FAM76B: variants seen among roughly 807,000 people sequenced by gnomAD.
FAM76B encodes family with sequence similarity 76 member B.
A neutral mutation model predicts 51.8 loss-of-function variants in FAM76B; 16 were observed. The observed-to-expected ratio is 0.31, with a 90% confidence interval of 0.21 to 0.47. The LOEUF (loss-of-function observed/expected upper bound fraction) is 0.47. FAM76B is among the 20% of genes least tolerant of loss of function. The pLI, the probability that FAM76B is intolerant of heterozygous loss-of-function variation, is 1.00. For missense variants in FAM76B, 342 were observed against 392.6 expected, an observed-to-expected ratio of 0.87 and a Z score of 1.09; for synonymous variants, 166 against 129.5, an observed-to-expected ratio of 1.28 and a Z score of -1.91.
intron 3 of FAM76B, 61 bp downstream of exon 3, chr11:95,787,563 G>A (rs1860670430): frequency 2.0e-6 from 3 of 1,520,784 alleles, no homozygotes; most frequent in South Asian, 1.2e-5. Flanking sequence ...TTTTTAAAAG[G>A]TCCAGCTTTA....
At chr11:95,787,813 A>G in intron 2 of FAM76B, 135 bp from the exon 3 acceptor site, 3 of 692,946 alleles carry the variant, frequency 4.3e-6, no homozygotes, top group Non-Finnish European at 7.2e-6. Flanking sequence ...TCAAATATAC[A>G]AGGATATTTT....
intron 5 of FAM76B, among the ~76,000 whole-genome samples, chr11:95,780,889 T>C (rs1362574384): frequency 6.6e-6 from 1 of 152,046 alleles, no homozygotes; most frequent in African/African-American, 2.4e-5. Flanking sequence ...TATATACATG[T>C]TTACTTGTGT....
At chr11:95,788,654 G>C (rs1325620620) in intron 1 of FAM76B, 91 bp from the exon 2 acceptor site, 2 of 1,356,248 alleles carry the variant, frequency 1.5e-6, no homozygotes, top group Non-Finnish European at 2.0e-6. Context: ...CCTAGTGAAA[G>C]TCTAAAACAT....
chr11:95,772,985 A>C (rs907907112), intron 9 of FAM76B, among the ~76,000 whole-genome samples: 1 of 151,070 alleles, frequency 6.6e-6, no homozygotes, highest in Non-Finnish European at 1.5e-5. Context: ...GAAAAACTTC[A>C]ATTTCAAATT....
Position 95,789,384 on chromosome 11 carries a change from C to G in FAM76B, c.87+8G>C, listed in dbSNP as rs1403486509. The G allele has an allele frequency of 6.3e-7, 1 of 1,590,858 alleles. No individual in the cohort carries two copies. Among genetic ancestry groups the G allele is most frequent in the East Asian group, 2.3e-5 (1 of 43,288 alleles). On this transcript the variant is annotated splice_region_variant and intron_variant, in intron 1 of 9. Transcript: ENST00000358780. The stretch of plus-strand genomic sequence containing the variant: ...ACCCATCCCGCCCGCCTCCCGGAGC[C>G]CACGGACCTTGCAGAGCTGCTGGCC...
chr11:95,782,979 A>G (rs1434815414), intron 5 of FAM76B, 86 bp downstream of exon 5: 1 of 1,523,342 alleles, frequency 6.6e-7, no homozygotes, highest in African/African-American at 1.4e-5. Context: ...ACTAGCACAT[A>G]GTCAATATTT....
intron 5 of FAM76B, 64 bp downstream of exon 5, chr11:95,783,001 A>C: frequency 6.3e-7 from 1 of 1,584,964 alleles, no homozygotes. Context: ...CAAGAAGTAA[A>C]CATCAATAAA....
chr11:95,781,975 C>T (rs1393489134), intron 5 of FAM76B, among the ~76,000 whole-genome samples: 1 of 152,086 alleles, frequency 6.6e-6, no homozygotes, highest in African/African-American at 2.4e-5. Flanking sequence ...ATGAGGTGGG[C>T]ATCAGTTGTT....
chr11:95,789,066 T>G, intron 1 of FAM76B: 1 of 1,395,322 alleles, frequency 7.2e-7, no homozygotes, highest in Non-Finnish European at 9.4e-7. Flanking sequence ...AAAACCGAGA[T>G]GAAAACATCT....
intron 3 of FAM76B, among the ~76,000 whole-genome samples, chr11:95,787,239 GTTTT>G: frequency 6.7e-6 from 1 of 148,304 alleles, no homozygotes; most frequent in South Asian, 2.1e-4. Context: ...CATAGCAGTA[GTTTT>G]TTTTTTTCGA....
chr11:95,771,650 C>A lies in FAM76B; in HGVS notation c.931G>T (p.Ala311Ser). 6.2e-7 allele frequency: 1 copy of A among 1,602,386 alleles called. No individual in the cohort carries two copies. Among genetic ancestry groups the A allele is most frequent in the African/African-American group, 1.3e-5 (1 of 74,380 alleles). ...TGTTTGAGTAGTTCTCTGTTTTTGGCCTGTGGGAGACAAAAACATTCAAGA... is the reference window on the plus strand; with the variant it reads ...TGTTTGAGTAGTTCTCTGTTTTTGGACTGTGGGAGACAAAAACATTCAAGA... ...AHKETVEQLQ[A>S]KNRELLKQVA... Residue 311 changes from alanine (A) to serine (S), a missense_variant and splice_region_variant, in exon 10 of 10, where the codon GCC (alanine) becomes TCC (serine). By Grantham distance (99) the Ala-to-Ser change is moderately conservative. Transcript: ENST00000358780.
chr11:95,776,068 C>A (rs1380029486), intron 8 of FAM76B, 45 bp from the exon 9 acceptor site: 1 of 918,904 alleles, frequency 1.1e-6, no homozygotes, highest in South Asian at 2.1e-5. Flanking sequence ...TGCACACATA[C>A]ACACACACAC....
At chr11:95,787,252 G>A (rs528676170) in intron 3 of FAM76B, among the ~76,000 whole-genome samples, 2 of 148,772 alleles carry the variant, frequency 1.3e-5, no homozygotes, top group African/African-American at 2.5e-5. Context: ...TTTTTTTTTC[G>A]AGACGCAGTC....
chr11:95,786,322 C>A lies in FAM76B; in HGVS notation c.208-48G>T, dbSNP rs185583687. ...GACTTTTAAAAACATTAAATATTTG[C>A]GGCATAGCATATACCCAGTGTTGTA... On this transcript the variant is annotated intron_variant, in intron 3 of 9. Transcript: ENST00000358780. 4 of 1,602,144 alleles carry A rather than the reference C, an allele frequency of 2.5e-6. No individual in the cohort carries two copies. In the African/African-American group the frequency reaches 4.0e-5, roughly 16 times the overall value.
At chr11:95,779,857 GA>G in intron 6 of FAM76B, 21 bp downstream of exon 6, 5 of 1,594,278 alleles carry the variant, frequency 3.1e-6, no homozygotes, top group Non-Finnish European at 4.3e-6. Context: ...AAATACTTCA[GA>G]AAATACAGCA....
intron 5 of FAM76B, among the ~76,000 whole-genome samples, chr11:95,781,664 G>A (rs1183333966): frequency 6.6e-6 from 1 of 152,100 alleles, no homozygotes; most frequent in Non-Finnish European, 1.5e-5. Flanking sequence ...ATGGTATATA[G>A]TCATTTTGTC....
At chr11:95,787,825 A>C (rs1860683897) in intron 2 of FAM76B, 147 bp from the exon 3 acceptor site, 2 of 660,490 alleles carry the variant, frequency 3.0e-6, no homozygotes, top group Non-Finnish European at 5.1e-6. Flanking sequence ...GGATATTTTC[A>C]GAGTTGTTTT....
chr11:95,775,993 G>T lies in FAM76B; in HGVS notation c.859C>A (p.Gln287Lys). 2 of 1,584,764 alleles carry T rather than the reference G, an allele frequency of 1.3e-6. No individual in the cohort carries two copies. Among genetic ancestry groups the T allele is most frequent in the Non-Finnish European group, 8.6e-7 (1 of 1,165,196 alleles). ...ATTTTTGTTCTCAAATTTGACTCTTGGTACTGAAAGTCTGCCTTTAGTTCA... is the reference window on the plus strand; with the variant it reads ...ATTTTTGTTCTCAAATTTGACTCTTTGTACTGAAAGTCTGCCTTTAGTTCA... The part of the protein sequence containing the change: ...LTELKADFQY[Q>K]ESNLRTKMNS... The change falls in exon 9 of 10, where the codon CAA (glutamine) becomes AAA (lysine). Residue 287 changes from glutamine (Q) to lysine (K), a missense_variant. Gln to Lys is a moderately conservative substitution (Grantham distance 53). Coordinates refer to ENST00000358780, the MANE Select transcript of FAM76B (RefSeq NM_144664.5).
intron 1 of FAM76B, chr11:95,789,171 G>A: frequency 2.7e-6 from 3 of 1,091,468 alleles, no homozygotes; most frequent in Non-Finnish European, 3.8e-6. Flanking sequence ...CACCCTCCTG[G>A]GCCGCCTGGA....
Sources: allele counts gnomAD v4.1 joint callset (sites outside exome capture counted in the v4.1 genomes callset), GRCh38; gene constraint gnomAD v4.1.1; transcripts MANE v1.5; gene names NCBI Gene and HGNC (gene_info 2026-07-23, HGNC 2026-07-21).